The following CDH12 variants were observed in gnomAD, a reference collection of about 807,000 sequenced individuals.
The protein encoded by CDH12 is cadherin 12.
Under a neutral mutation model 74.1 loss-of-function variants are expected in CDH12, and 41 were observed. The observed-to-expected ratio is 0.55, with a 90% CI of 0.43 to 0.72. CDH12 has a LOEUF of 0.72. Ranked by LOEUF, CDH12 falls within the 30% of genes least tolerant of loss-of-function variation. CDH12 has a pLI of 0.00. For synonymous variants in CDH12, 399 were observed against 355.0 expected, an observed-to-expected ratio of 1.12 and a Z score of -1.39; for missense variants, 945 against 977.2, an observed-to-expected ratio of 0.97 and a Z score of 0.44.
At chr5:22,196,837 A>C (rs1285504274) in intron 4 of CDH12, among the ~76,000 whole-genome samples, 1 of 152,044 alleles carries the variant, frequency 6.6e-6, no homozygotes, top group African/African-American at 2.4e-5. Context: ...TCTCCCTTTA[A>C]TTATTTCATG....
chr5:22,585,771 T>C (rs190162508), intron 1 of CDH12, among the ~76,000 whole-genome samples: 1 of 152,320 alleles, frequency 6.6e-6, no homozygotes, highest in Admixed American at 6.5e-5. Flanking sequence ...TTTTTACTTT[T>C]TTGGAGCTTT....
rs903188144 is a variant in CDH12, at chr5:22,288,305, T to A, written c.-332-75662A>T. ...AGCTATCTGGGGTAAATATGACCAATTTATGTAATTTATATTTAAATATGA... is the reference window on the plus strand; with the variant it reads ...AGCTATCTGGGGTAAATATGACCAAATTATGTAATTTATATTTAAATATGA... On this transcript the variant is annotated intron_variant, in intron 3 of 14. Transcript: ENST00000382254. 5.3e-5 allele frequency among the ~76,000 whole-genome samples: 8 copies of A among 152,174 alleles called. No individual in the cohort carries two copies. The East Asian group carries it at 1.2e-3, about 22-fold the overall frequency.
At chr5:21,907,217 TA>T (rs1283827740) in intron 6 of CDH12, among the ~76,000 whole-genome samples, 3 of 152,034 alleles carry the variant, frequency 2.0e-5, no homozygotes, top group Non-Finnish European at 2.9e-5. Flanking sequence ...AAGAGGGGTT[TA>T]AAAAATACGC....
rs145258685 is a variant in CDH12 at position 22,399,029 on chromosome 5, G to T, written c.-333+6228C>A. ...TCAGTAAAAAGAGGTTTTTTGTTTT[G>T]TTTTGTTTGCTTTTGGTGTGTTCTT... On this transcript the variant is annotated intron_variant, in intron 3 of 14. Transcript: ENST00000382254. Among the ~76,000 whole-genome samples the T allele has an allele frequency of 5.6e-3, 848 of 151,946 alleles. 7 individuals are homozygous for T. Among genetic ancestry groups the T allele is most frequent in the African/African-American group, 0.02 (812 of 41,456 alleles).
At chr5:21,766,846 C>A (rs1745052987) in intron 11 of CDH12, among the ~76,000 whole-genome samples, 1 of 151,808 alleles carries the variant, frequency 6.6e-6, no homozygotes, top group Non-Finnish European at 1.5e-5. Flanking sequence ...GACTTTACAG[C>A]AACTATGATA....
intron 3 of CDH12, among the ~76,000 whole-genome samples, chr5:22,266,038 ATTATTTATTTAT>A (rs143229137): frequency 0.012 from 1,665 of 141,000 alleles, 11 homozygotes; most frequent in African/African-American, 0.024. Flanking sequence ...AGCTTTGTTG[ATTATTTATTTAT>A]TTATTTATTT....
At chr5:22,827,613 G>C (rs908795773) in intron 1 of CDH12, among the ~76,000 whole-genome samples, 1 of 152,162 alleles carries the variant, frequency 6.6e-6, no homozygotes, top group African/African-American at 2.4e-5. Flanking sequence ...CTGAGGCCAG[G>C]CTCTTCATGT....
intron 4 of CDH12, among the ~76,000 whole-genome samples, chr5:22,187,454 A>T (rs1228712966): frequency 6.6e-6 from 1 of 151,868 alleles, no homozygotes; most frequent in Non-Finnish European, 1.5e-5. Context: ...ATTTCTTGGC[A>T]TCACCATAAC....
chr5:22,170,945 G>A (rs1188873370), intron 4 of CDH12, among the ~76,000 whole-genome samples: 5 of 151,898 alleles, frequency 3.3e-5, no homozygotes, highest in South Asian at 2.1e-4. Context: ...GTTAGAATTC[G>A]TGATCATCTA....
intron 1 of CDH12, among the ~76,000 whole-genome samples, chr5:22,540,002 A>C (rs1738029608): frequency 6.6e-6 from 1 of 152,182 alleles, no homozygotes; most frequent in Non-Finnish European, 1.5e-5. Flanking sequence ...TTCTGTCAGC[A>C]CAATTTTCCT....
chr5:22,293,623 C>T (rs543429235), intron 3 of CDH12, among the ~76,000 whole-genome samples: 8 of 150,898 alleles, frequency 5.3e-5, no homozygotes, highest in East Asian at 1.9e-4. Context: ...TATACATATA[C>T]ACACACACAC....
At chr5:22,466,779 T>TTC (rs1745746783) in intron 2 of CDH12, among the ~76,000 whole-genome samples, 2 of 45,990 alleles carry the variant, frequency 4.3e-5, no homozygotes, top group Non-Finnish European at 8.4e-5. Flanking sequence ...CAGGAATCTT[T>TTC]TTTTTTTTTT....
intron 3 of CDH12, among the ~76,000 whole-genome samples, 187 bp downstream of exon 3, chr5:22,405,070 C>T (rs541079339): frequency 1.1e-4 from 17 of 151,980 alleles, no homozygotes; most frequent in African/African-American, 3.9e-4. Flanking sequence ...ATTAGCCAGG[C>T]GTGGTGGTGG....
intron 4 of CDH12, among the ~76,000 whole-genome samples, chr5:22,161,761 A>C (rs868228259): frequency 6.3e-4 from 96 of 152,224 alleles, no homozygotes; most frequent in Middle Eastern, 3.4e-3. Context: ...GAAAAGAAAA[A>C]AATCCAAACA....
chr5:22,527,099 G>A (rs1008949037), intron 1 of CDH12, among the ~76,000 whole-genome samples: 1 of 152,128 alleles, frequency 6.6e-6, no homozygotes, highest in Non-Finnish European at 1.5e-5. Context: ...AGTGTCAAAA[G>A]TCCCCAAAAG....
chr5:22,509,091 G>C (rs1190706891), intron 1 of CDH12, among the ~76,000 whole-genome samples: 2 of 152,164 alleles, frequency 1.3e-5, no homozygotes, highest in African/African-American at 2.4e-5. Context: ...AGTGTGTATG[G>C]CTAAGGCAGC....
chr5:22,719,944 C>T (rs1391193378), intron 1 of CDH12, among the ~76,000 whole-genome samples: 1 of 152,026 alleles, frequency 6.6e-6, no homozygotes, highest in Non-Finnish European at 1.5e-5. Flanking sequence ...TTGCTTCCTC[C>T]AACCCTCCTT....
intron 2 of CDH12, among the ~76,000 whole-genome samples, chr5:22,441,561 G>A (rs1258272965): frequency 2.0e-5 from 3 of 152,022 alleles, no homozygotes; most frequent in African/African-American, 7.2e-5. Flanking sequence ...AATGGCCTCA[G>A]TTTGAAAAAC....
At chr5:22,473,658 C>G (rs1746055873) in intron 2 of CDH12, among the ~76,000 whole-genome samples, 1 of 152,012 alleles carries the variant, frequency 6.6e-6, no homozygotes, top group Non-Finnish European at 1.5e-5. Flanking sequence ...GTAGGTGTGT[C>G]CTTAGTTTTA....
Sources: gnomAD v4.1 joint callset for allele counts (sites outside exome capture counted in the v4.1 genomes callset) on GRCh38, gnomAD v4.1.1 for gene constraint, MANE v1.5 for transcripts, NCBI Gene and HGNC (gene_info 2026-07-23, HGNC 2026-07-21) for gene names.